AUTS2: variants seen among roughly 807,000 people sequenced by gnomAD.
The protein encoded by AUTS2 is activator of transcription and developmental regulator AUTS2.
A neutral mutation model predicts 112.4 loss-of-function variants in AUTS2; 17 were observed. The observed-to-expected ratio is 0.15, with a 90% CI of 0.10 to 0.23. The LOEUF is 0.23. Ranked by LOEUF, AUTS2 falls within the 10% of genes least tolerant of loss-of-function variation. The pLI is 1.00. For synonymous variants in AUTS2, 751 were observed against 702.7 expected, an observed-to-expected ratio of 1.07 and a Z score of -1.09; for missense variants, 1,510 against 1,701.6, an observed-to-expected ratio of 0.89 and a Z score of 1.98.
rs139579865 is a variant in AUTS2, at chr7:70,010,876, TAGAAATTGG to T, written c.523-107254_523-107246del. ...CTGGACATCTGTGGATTCTGGATAT[TAGAAATTGG>T]AAGGAAAAGCTTGTAAGGGGATCTC... is the stretch of plus-strand genomic sequence containing the variant. On this transcript the variant is annotated intron_variant, in intron 2 of 18. Coordinates refer to ENST00000342771, the MANE Select transcript of AUTS2 (RefSeq NM_015570.4). Among the ~76,000 whole-genome samples, 624 of 152,228 alleles carry T rather than the reference TAGAAATTGG, an allele frequency of 4.1e-3. 5 individuals are homozygous for T. The highest frequency in any genetic ancestry group is 0.014 in the African/African-American group (576 of 41,538).
chr7:70,664,244 C>A (rs897889945), intron 5 of AUTS2, among the ~76,000 whole-genome samples: 2 of 152,196 alleles, frequency 1.3e-5, no homozygotes, highest in Non-Finnish European at 2.9e-5. Flanking sequence ...CTGTAAAGCT[C>A]ACACACAGTT....
chr7:69,614,370 T>TCTTTCTTTCTTTCTTTCTTTC (rs1322536871), intron 1 of AUTS2, among the ~76,000 whole-genome samples: 4 of 28,504 alleles, frequency 1.4e-4, no homozygotes, highest in Non-Finnish European at 2.8e-4. Context: ...CTTTCTTTTT[T>TCTTTCTTTCTTTCTTTCTTTC]TAAGAGATGG....
intron 4 of AUTS2, among the ~76,000 whole-genome samples, chr7:70,205,881 G>C (rs1322115009): frequency 6.6e-6 from 1 of 152,172 alleles, no homozygotes. Context: ...GGAAAACTTG[G>C]TTCCCGTGGC....
At chr7:69,819,964 G>A (rs1415268486) in intron 1 of AUTS2, among the ~76,000 whole-genome samples, 1 of 152,220 alleles carries the variant, frequency 6.6e-6, no homozygotes, top group Non-Finnish European at 1.5e-5. Flanking sequence ...GTCTTGAGGT[G>A]TATAGGACCT....
intron 2 of AUTS2, among the ~76,000 whole-genome samples, chr7:69,984,418 A>AAG (rs1278894223): frequency 6.6e-6 from 1 of 151,708 alleles, no homozygotes; most frequent in East Asian, 1.9e-4. Context: ...AAAAAAAAAA[A>AAG]AAAAAAAAAT....
chr7:70,383,566 G>T (rs777740836), intron 4 of AUTS2, among the ~76,000 whole-genome samples: 6 of 152,184 alleles, frequency 3.9e-5, no homozygotes, highest in Non-Finnish European at 8.8e-5. Context: ...AATCTGTTCT[G>T]CATCTTTGAG....
chr7:69,980,254 A>T (rs1798241649), intron 2 of AUTS2, among the ~76,000 whole-genome samples: 1 of 152,094 alleles, frequency 6.6e-6, no homozygotes, highest in South Asian at 2.1e-4. Context: ...AGCTAATTAC[A>T]TCAACCTTTT....
At chr7:69,762,277 AT>A (rs1160487726) in intron 1 of AUTS2, among the ~76,000 whole-genome samples, 3 of 126,436 alleles carry the variant, frequency 2.4e-5, no homozygotes, top group Admixed American at 8.0e-5. Flanking sequence ...TTTCCCAAAC[AT>A]TTTAGCCAAG....
chr7:70,516,673 C>T (rs915382913), intron 5 of AUTS2, among the ~76,000 whole-genome samples: 2 of 152,154 alleles, frequency 1.3e-5, no homozygotes, highest in Non-Finnish European at 2.9e-5. Context: ...ACTCCAGGCA[C>T]ATCAGAGGCC....
chr7:70,704,731 T>C (rs1354298654), intron 6 of AUTS2, among the ~76,000 whole-genome samples: 1 of 152,222 alleles, frequency 6.6e-6, no homozygotes, highest in African/African-American at 2.4e-5. Context: ...ACAGGAGGGT[T>C]CCTAAATGGA....
At chr7:69,955,832 G>T (rs1028566228) in intron 2 of AUTS2, among the ~76,000 whole-genome samples, 3 of 152,076 alleles carry the variant, frequency 2.0e-5, no homozygotes, top group Non-Finnish European at 4.4e-5. Context: ...ACATTCAGGT[G>T]CATCTGCCAT....
intron 5 of AUTS2, among the ~76,000 whole-genome samples, chr7:70,458,218 G>T (rs1423447071): frequency 2.0e-5 from 3 of 152,186 alleles, no homozygotes; most frequent in Admixed American, 6.5e-5. Flanking sequence ...ACAGTGAAAT[G>T]ATTTCCTCTG....
rs115086156 is a variant in AUTS2, at chr7:70,392,834, C to A, written c.661-42918C>A. Among the ~76,000 whole-genome samples the A allele has an allele frequency of 4.3e-3, 662 of 152,322 alleles. 5 individuals carry two copies. Among genetic ancestry groups the A allele is most frequent in the African/African-American group, 0.015 (623 of 41,582 alleles). Reference sequence around the variant, plus strand: ...GACACCATTCAACCCTCTAAACAAACTGAGTACAGTGAGGTTTTCAGCTTC... The same window carrying A: ...GACACCATTCAACCCTCTAAACAAAATGAGTACAGTGAGGTTTTCAGCTTC... On this transcript the variant is annotated intron_variant, in intron 4 of 18. Coordinates refer to ENST00000342771, the MANE Select transcript of AUTS2 (RefSeq NM_015570.4).
At chr7:70,216,661 A>G (rs561236985) in intron 4 of AUTS2, among the ~76,000 whole-genome samples, 94 of 152,266 alleles carry the variant, frequency 6.2e-4, no homozygotes, top group African/African-American at 2.3e-3. Flanking sequence ...CTTGCTTCTT[A>G]AGTGGGATAA....
chr7:70,260,484 G>A (rs1460836885), intron 4 of AUTS2, among the ~76,000 whole-genome samples: 3 of 152,082 alleles, frequency 2.0e-5, no homozygotes, highest in Non-Finnish European at 4.4e-5. Flanking sequence ...AGGCTTCTTG[G>A]TGGTGGGGAC....
At chr7:69,902,930 T>C (rs767914817) in intron 2 of AUTS2, among the ~76,000 whole-genome samples, 87 of 152,282 alleles carry the variant, frequency 5.7e-4, no homozygotes, top group Non-Finnish European at 1.1e-3. Context: ...ATATGAGAAA[T>C]TTGAATACTT....
chr7:70,118,850 T>G (rs186725751), intron 3 of AUTS2: 1 of 152,164 alleles, frequency 6.6e-6, no homozygotes, highest in Non-Finnish European at 1.5e-5. Context: ...TCTTGAGATA[T>G]CTGTTTGCCC....
intron 1 of AUTS2, among the ~76,000 whole-genome samples, chr7:69,752,639 A>G (rs1057051735): frequency 2.6e-5 from 4 of 152,090 alleles, no homozygotes; most frequent in African/African-American, 9.7e-5. Flanking sequence ...AAATTGTGAC[A>G]CTCGCGGTTG....
At chr7:70,254,593 C>T (rs1314351919) in intron 4 of AUTS2, among the ~76,000 whole-genome samples, 1 of 152,160 alleles carries the variant, frequency 6.6e-6, no homozygotes, top group Non-Finnish European at 1.5e-5. Flanking sequence ...GTACATGTTC[C>T]AATGTCACCA....
Sources: allele counts gnomAD v4.1 joint callset (sites outside exome capture counted in the v4.1 genomes callset), GRCh38; gene constraint gnomAD v4.1.1; transcripts MANE v1.5; gene names NCBI Gene and HGNC (gene_info 2026-07-23, HGNC 2026-07-21).